The following CLHC1 variants were observed in gnomAD, a reference collection of about 807,000 sequenced individuals.
The protein encoded by CLHC1 is clathrin heavy chain linker domain containing 1.
A neutral mutation model predicts 69.5 loss-of-function variants in CLHC1; 72 were observed. That is an observed-to-expected ratio of 1.04 (90% CI 0.86 to 1.26). The LOEUF (loss-of-function observed/expected upper bound fraction) is 1.26, where lower values mean the gene tolerates loss of function less well. CLHC1 is among the 50% of genes most tolerant of loss of function. The pLI, the probability that CLHC1 is intolerant of heterozygous loss-of-function variation, is 0.00. For missense variants in CLHC1, 790 were observed against 679.3 expected (o/e 1.16, Z -1.81); for synonymous variants, 223 against 224.3 (o/e 0.99, Z 0.05).
rs1177858096 is a variant in CLHC1, at chr2:55,177,776, G to C, written c.1390C>G (p.Leu464Val). Residue 464 changes from leucine (L) to valine (V), a missense_variant, in exon 12 of 13, where the codon CTG (leucine) becomes GTG (valine). Coordinates refer to ENST00000401408, the MANE Select transcript of CLHC1 (RefSeq NM_152385.4). ...GGACATGACATTAATAGCTGCAACA[G>C]GTCATCTGAAGGCAAAAATGAAAAA... ...QQLKDFTTDDLLQLLMSCPQV... is the reference protein window; with the variant it reads ...QQLKDFTTDDVLQLLMSCPQV... The C allele has an allele frequency of 6.3e-7, 1 of 1,599,628 alleles. No homozygotes were observed. Among genetic ancestry groups the C allele is most frequent in the Non-Finnish European group, 8.5e-7 (1 of 1,174,438 alleles).
intron 9 of CLHC1, among the ~76,000 whole-genome samples, chr2:55,196,563 G>A (rs1401922521): frequency 2.0e-5 from 3 of 152,104 alleles, no homozygotes; most frequent in East Asian, 1.9e-4. Context: ...CCCAAACTCC[G>A]GGACAACATT....
intron 9 of CLHC1, among the ~76,000 whole-genome samples, chr2:55,191,622 T>C (rs941513485): frequency 2.0e-5 from 3 of 152,138 alleles, no homozygotes; most frequent in Admixed American, 6.6e-5. Flanking sequence ...TTTTATTCTA[T>C]ACATCAAGTG....
At chr2:55,202,753 G>C (rs1312330277) in intron 9 of CLHC1, among the ~76,000 whole-genome samples, 2 of 151,588 alleles carry the variant, frequency 1.3e-5, no homozygotes, top group African/African-American at 4.8e-5. Flanking sequence ...AAAAAAGTTA[G>C]CTGGGCATGG....
intron 3 of CLHC1, among the ~76,000 whole-genome samples, chr2:55,221,970 C>T (rs1455156852): frequency 1.3e-5 from 2 of 152,134 alleles, no homozygotes; most frequent in East Asian, 1.9e-4. Context: ...CAGTGAGACT[C>T]TCTCTTTAAA....
rs1286772540 is a variant in CLHC1 at position 55,172,835 on chromosome 2, A to C, written c.*2955T>G. Among the ~76,000 whole-genome samples the C allele has an allele frequency of 6.6e-6, 1 of 152,162 alleles. No homozygotes were observed. On this transcript the variant is annotated 3_prime_UTR_variant, in exon 13 of 13. Coordinates refer to ENST00000401408, the MANE Select transcript of CLHC1 (RefSeq NM_152385.4). ...TAAAAAAGTGATTAATTTAATGGTC[A>C]TTTCTTAGTTAATTCAGGATTTAGG...
rs750048221 is a variant in CLHC1, at chr2:55,217,829, G to A, written c.347C>T (p.Thr116Ile). The change falls in exon 4 of 13, where the codon ACA (threonine) becomes ATA (isoleucine). Residue 116 changes from threonine to isoleucine, a missense_variant. Coordinates refer to ENST00000401408, the MANE Select transcript of CLHC1 (RefSeq NM_152385.4). Reference protein sequence around the residue: ...PTALVYYRKRTIQLEAKMRII... With the variant: ...PTALVYYRKRIIQLEAKMRII... ...TACTTACTTTGCTTCAAGTTGGATT[G>A]TTCTTTTCCTGTAATATACCAAAGC... 1.4e-5 allele frequency: 22 copies of A among 1,556,584 alleles called. No homozygotes were observed. Among genetic ancestry groups the A allele is most frequent in the Non-Finnish European group, 1.8e-5 (21 of 1,156,894 alleles).
intron 9 of CLHC1, among the ~76,000 whole-genome samples, chr2:55,199,609 T>C (rs906133777): frequency 2.6e-5 from 4 of 152,176 alleles, no homozygotes; most frequent in African/African-American, 9.7e-5. Flanking sequence ...CTAGAATTTT[T>C]ATTAGTTTTC....
chr2:55,211,644 T>C (rs1319998065), intron 5 of CLHC1, among the ~76,000 whole-genome samples: 1 of 152,096 alleles, frequency 6.6e-6, no homozygotes, highest in East Asian at 1.9e-4. Context: ...AGACCAAATC[T>C]GGCTTCCTAA....
At chr2:55,176,355 C>T (rs1414373371) in intron 12 of CLHC1, among the ~76,000 whole-genome samples, 1 of 152,156 alleles carries the variant, frequency 6.6e-6, no homozygotes, top group Non-Finnish European at 1.5e-5. Context: ...TATAAGGCAC[C>T]ACTAGAAACT....
chr2:55,182,031 T>TCTC (rs1430059283), intron 9 of CLHC1, among the ~76,000 whole-genome samples: 1 of 151,908 alleles, frequency 6.6e-6, no homozygotes, highest in African/African-American at 2.4e-5. Flanking sequence ...TGGAATGGAA[T>TCTC]CTCCCTTAGA....
intron 8 of CLHC1, among the ~76,000 whole-genome samples, chr2:55,207,696 T>G (rs1312366628): frequency 1.3e-5 from 2 of 152,184 alleles, no homozygotes; most frequent in East Asian, 1.9e-4. Context: ...TCCTGCATGT[T>G]AAACACCAGG....
At chr2:55,177,012 T>C (rs1669454604) in intron 12 of CLHC1, among the ~76,000 whole-genome samples, 1 of 152,164 alleles carries the variant, frequency 6.6e-6, no homozygotes, top group Admixed American at 6.5e-5. Context: ...TAGCTGGGAC[T>C]ACAGGTGCAT....
chr2:55,212,827 C>A (rs2118283), intron 4 of CLHC1, 21 bp from the exon 5 acceptor site: 1,519,562 of 1,566,234 alleles, frequency 0.97, 737,617 homozygotes, highest in African/African-American at 0.99. Context: ...GAAAGGCTTT[C>A]TTATGTCTTT....
Position 55,181,637 on chromosome 2 carries a change from C to T in CLHC1, c.1114G>A (p.Glu372Lys). The part of the protein sequence containing the change: ...PCPVDAALTL[E>K]GIKCGLSEKR... ...TCTGATAATCCACATTTGATTCCTT[C>T]CAGGGTTAGAGCTGCATCAACAGGA... The change falls in exon 10 of 13, where the codon GAA becomes AAA. Residue 372 changes from glutamate to lysine, a missense_variant. Transcript: ENST00000401408. 6.2e-7 allele frequency: 1 copy of T among 1,613,664 alleles called. No homozygotes were observed. The highest frequency in any genetic ancestry group is 8.5e-7 in the Non-Finnish European group (1 of 1,179,838).
intron 8 of CLHC1, chr2:55,206,698 AC>A (rs1672479658): frequency 4.1e-6 from 1 of 245,222 alleles, no homozygotes; most frequent in Non-Finnish European, 7.7e-6. Context: ...TTTATTATGA[AC>A]TCAGATTTTT....
chr2:55,206,300 G>A lies in CLHC1; in HGVS notation c.976C>T (p.Arg326Ter), dbSNP rs753530709. 61 of 1,607,616 alleles carry A rather than the reference G, an allele frequency of 3.8e-5. 1 individual carries two copies. The highest frequency in any genetic ancestry group is 3.4e-4 in the South Asian group (31 of 90,960). ...YAANSPRRIL[R>*]NIGTMNTFKA... The stretch of plus-strand genomic sequence containing the variant: ...AATGTATTCATTGTACCAATGTTTC[G>A]AAGAATTCTTCTAGGACTGTTTGCT... The change falls in exon 9 of 13, where the codon CGA (arginine) becomes TGA (stop). Residue 326 changes from arginine (R) to a stop codon, truncating the protein, a stop_gained. Transcript: ENST00000401408. LOFTEE classifies it high-confidence loss of function.
At position 55,193,172 on chromosome 2, in the gene CLHC1, G is replaced by A. The variant is rs534584708; in HGVS notation, c.1007-11428C>T. On this transcript the variant is annotated intron_variant, in intron 9 of 12. Transcript: ENST00000401408. ...CTCCCAAAGTGCTGGGATTATAGGC[G>A]TGAACCACCGCGCCTGGACAGATCT... is the stretch of plus-strand genomic sequence containing the variant. Among the ~76,000 whole-genome samples, 20 of 152,176 alleles carry A rather than the reference G, an allele frequency of 1.3e-4. No individual in the cohort carries two copies. In the East Asian group the frequency reaches 2.9e-3, roughly 22 times the overall value.
intron 2 of CLHC1, chr2:55,224,462 AGCTG>A: frequency 2.5e-6 from 1 of 399,278 alleles, no homozygotes. Flanking sequence ...CCTGGTCCTT[AGCTG>A]GCGCTGCAGT....
At chr2:55,230,395 A>G (rs926595791) in intron 1 of CLHC1, among the ~76,000 whole-genome samples, 3 of 152,178 alleles carry the variant, frequency 2.0e-5, no homozygotes, top group Non-Finnish European at 4.4e-5. Flanking sequence ...TCATGAGATT[A>G]AGTGTTTGGG....
Sources: allele counts gnomAD v4.1 joint callset (sites outside exome capture counted in the v4.1 genomes callset), GRCh38; gene constraint gnomAD v4.1.1; transcripts MANE v1.5; gene names NCBI Gene and HGNC (gene_info 2026-07-23, HGNC 2026-07-21).